FLT3: variants seen among roughly 807,000 people sequenced by gnomAD.
FLT3 encodes fms related receptor tyrosine kinase 3, also known as receptor-type tyrosine-protein kinase FLT3.
Under a neutral mutation model 126.6 loss-of-function variants are expected in FLT3, and 46 were observed. The ratio of observed to expected loss-of-function variants is 0.36; its 90% CI spans 0.29 to 0.46. FLT3 has a LOEUF of 0.46. Among genes scored for constraint, FLT3 ranks in the 20% least tolerant of loss-of-function variants. FLT3 has a pLI of 1.00. For synonymous variants in FLT3, 404 were observed against 434.4 expected (o/e 0.93, Z 0.87); for missense variants, 1,069 against 1,190.3 (o/e 0.90, Z 1.50).
Position 28,027,132 on chromosome 13 carries a change from G to C in FLT3, c.2163C>G (p.His721Gln), listed in dbSNP as rs767025952. 1 of 1,613,838 alleles carries C rather than the reference G, an allele frequency of 6.2e-7. No homozygotes were observed. The highest frequency in any genetic ancestry group is 1.1e-5 in the South Asian group (1 of 90,974). The change falls in exon 17 of 24, where the codon CAC becomes CAG. Residue 721 changes from histidine (H) to glutamine (Q), a missense_variant. His to Gln is a conservative substitution (Grantham distance 24, BLOSUM62 0). Coordinates refer to ENST00000241453, the MANE Select transcript of FLT3 (RefSeq NM_004119.3). The stretch of plus-strand genomic sequence containing the variant: ...GGAAAGTGGGGTAAAAACTGAAATT[G>C]TGTTCCTTGAAAATCTCTGTCCAAG... ...HRTWTEIFKEHNFSFYPTFQS... is the reference protein window; with the variant it reads ...HRTWTEIFKEQNFSFYPTFQS...
At chr13:28,074,736 G>T (rs1877807617) in intron 1 of FLT3, among the ~76,000 whole-genome samples, 1 of 152,086 alleles carries the variant, frequency 6.6e-6, no homozygotes, top group Admixed American at 6.6e-5. Context: ...GACCTCCTGG[G>T]CTCAAGCCAT....
intron 1 of FLT3, among the ~76,000 whole-genome samples, chr13:28,093,325 A>C (rs1031619175): frequency 2.0e-5 from 3 of 151,900 alleles, no homozygotes; most frequent in Admixed American, 6.6e-5. Flanking sequence ...CTGGGACTAC[A>C]GGCATGGATC....
chr13:28,044,713 G>A (rs1365191043), intron 9 of FLT3, among the ~76,000 whole-genome samples: 2 of 152,140 alleles, frequency 1.3e-5, no homozygotes, highest in Non-Finnish European at 2.9e-5. Context: ...TACCAACAAT[G>A]CACATCATTA....
At chr13:28,074,097 T>C (rs1877766422) in intron 1 of FLT3, among the ~76,000 whole-genome samples, 2 of 152,214 alleles carry the variant, frequency 1.3e-5, no homozygotes, top group African/African-American at 4.8e-5. Flanking sequence ...TGATCTATTT[T>C]CTGTAATTAT....
At chr13:28,027,645 CCTTT>C (rs34610138) in intron 16 of FLT3, among the ~76,000 whole-genome samples, 70,262 of 151,782 alleles carry the variant, frequency 0.46, 18,010 homozygotes, top group East Asian at 0.68. Context: ...TCCTCTTTTT[CCTTT>C]CTTTTAGTAC....
Position 28,100,395 on chromosome 13 carries a change from G to T in FLT3, c.43+73C>A. The T allele has an allele frequency of 9.3e-7, 1 of 1,076,840 alleles. No homozygotes were observed. The highest frequency in any genetic ancestry group is 1.2e-6 in the Non-Finnish European group (1 of 850,964). 66.7% of individuals were successfully genotyped at this position (1,076,840 alleles called of 1,614,324 possible). On this transcript the variant is annotated intron_variant, in intron 1 of 23. Coordinates refer to ENST00000241453, the MANE Select transcript of FLT3 (RefSeq NM_004119.3). The surrounding 1 kb of genome is among the most constrained non-coding windows in gnomAD (Gnocchi z 4.8). The stretch of plus-strand genomic sequence containing the variant: ...GAGGCGGCTGGGCCGGAGGAGGCGC[G>T]CGCCCGGGTCCACACTGCGGGGTGG...
At chr13:28,011,664 C>CTTCT (rs1871377445) in intron 23 of FLT3, among the ~76,000 whole-genome samples, 1 of 146,874 alleles carries the variant, frequency 6.8e-6, no homozygotes, top group Non-Finnish European at 1.5e-5. Flanking sequence ...CATTTCCTTC[C>CTTCT]TTCCTTCCTT....
intron 1 of FLT3, among the ~76,000 whole-genome samples, chr13:28,096,493 A>G (rs1005609100): frequency 6.6e-6 from 1 of 151,784 alleles, no homozygotes; most frequent in Non-Finnish European, 1.5e-5. Context: ...GTATAGTGCA[A>G]TGGCGCAATC....
At chr13:28,009,957 CAG>C (rs771052083) in intron 23 of FLT3, among the ~76,000 whole-genome samples, 2 of 152,078 alleles carry the variant, frequency 1.3e-5, no homozygotes, top group African/African-American at 2.4e-5. Context: ...TTTTCTGAAA[CAG>C]GGGACAAGTA....
chr13:28,011,339 G>T (rs1231724570), intron 23 of FLT3, among the ~76,000 whole-genome samples: 1 of 143,488 alleles, frequency 7.0e-6, no homozygotes, highest in African/African-American at 2.6e-5. Flanking sequence ...GAGGAGAGGG[G>T]AGGGGAGGGG....
chr13:28,018,132 A>G (rs978195194), intron 20 of FLT3, among the ~76,000 whole-genome samples: 1 of 152,230 alleles, frequency 6.6e-6, no homozygotes, highest in Non-Finnish European at 1.5e-5. Context: ...ACATAACTCA[A>G]TCATCACTTT....
chr13:28,019,472 G>A (rs1044776857), intron 19 of FLT3, among the ~76,000 whole-genome samples: 3 of 152,034 alleles, frequency 2.0e-5, no homozygotes, highest in Non-Finnish European at 4.4e-5. Flanking sequence ...ATCTGAAGGG[G>A]AACAGGGCAC....
At position 28,070,381 on chromosome 13, in the gene FLT3, T is replaced by C. The variant is rs1877393350; in HGVS notation, c.165+110A>G. The C allele has an allele frequency of 1.4e-5, 12 of 849,912 alleles. No individual in the cohort carries two copies. In the Admixed American group the frequency reaches 2.5e-4, roughly 17 times the overall value. 52.6% of individuals were successfully genotyped at this position (849,912 alleles called of 1,614,324 possible). On this transcript the variant is annotated intron_variant, in intron 2 of 23. Coordinates refer to ENST00000241453, the MANE Select transcript of FLT3 (RefSeq NM_004119.3). ...TGGTACCAGATGTGAGGCCATAATA[T>C]ACTTAAATACATAAAGAGAAGCCCA...
intron 2 of FLT3, among the ~76,000 whole-genome samples, chr13:28,066,384 C>A (rs1288496158): frequency 1.3e-5 from 2 of 152,308 alleles, no homozygotes; most frequent in Non-Finnish European, 2.9e-5. Context: ...TACTACCCCC[C>A]AGAGAAGCCA....
intron 22 of FLT3, 30 bp from the exon 23 acceptor site, chr13:28,014,587 TGAA>T (rs771849609): frequency 3.4e-6 from 5 of 1,486,220 alleles, no homozygotes; most frequent in Admixed American, 3.4e-5. Context: ...AGGAACAAGA[TGAA>T]GAAGTCTGAA....
chr13:28,095,554 A>C (rs1010415600), intron 1 of FLT3, among the ~76,000 whole-genome samples: 3 of 152,192 alleles, frequency 2.0e-5, no homozygotes, highest in Non-Finnish European at 4.4e-5. Context: ...GATTACAGGC[A>C]TGAGCCACCT....
chr13:28,011,689 T>C (rs1871386213), intron 23 of FLT3, among the ~76,000 whole-genome samples: 3 of 123,022 alleles, frequency 2.4e-5, no homozygotes, highest in African/African-American at 5.6e-5. Context: ...CCCTCCTCCT[T>C]CCTTCCTTTC....
chr13:28,066,499 G>A (rs1244817637), intron 2 of FLT3, among the ~76,000 whole-genome samples: 2 of 152,108 alleles, frequency 1.3e-5, no homozygotes, highest in African/African-American at 4.8e-5. Flanking sequence ...GGAAGGGCTT[G>A]GAAAAAGATG....
At chr13:28,032,770 C>T (rs1235790238) in intron 15 of FLT3, among the ~76,000 whole-genome samples, 4 of 152,194 alleles carry the variant, frequency 2.6e-5, no homozygotes, top group African/African-American at 7.2e-5. Flanking sequence ...TATGGTGACA[C>T]AAAACCCAAA....
Sources: allele counts gnomAD v4.1 joint callset (sites outside exome capture counted in the v4.1 genomes callset), GRCh38; gene constraint gnomAD v4.1.1; non-coding constraint Gnocchi (gnomAD v3.1); transcripts MANE v1.5; gene names NCBI Gene and HGNC (gene_info 2026-07-23, HGNC 2026-07-21).